Variants in LIN28B observed in about 807,000 individuals in gnomAD.
LIN28B encodes protein lin-28 homolog B.
LIN28B carries 5 observed loss-of-function variants against 21.9 expected under a neutral mutation model. The ratio of observed to expected loss-of-function variants is 0.23; its 90% CI spans 0.12 to 0.48. LIN28B has a LOEUF of 0.48. Among genes scored for constraint, LIN28B ranks in the 20% least tolerant of loss-of-function variants. The pLI is 0.98. For missense variants in LIN28B, 245 were observed against 310.5 expected, an observed-to-expected ratio of 0.79 and a Z score of 1.58; for synonymous variants, 109 against 111.3, an observed-to-expected ratio of 0.98 and a Z score of 0.13.
At chr6:104,955,936 C>A (rs953551067), upstream of LIN28B, among the ~76,000 whole-genome samples, 1 of 151,674 alleles carries the variant, frequency 6.6e-6, no homozygotes, top group Non-Finnish European at 1.5e-5. Flanking sequence ...ATCGTTTGAA[C>A]CAGTTTGAAA....
intron 2 of LIN28B, among the ~76,000 whole-genome samples, chr6:105,014,971 T>C (rs1352098545): frequency 6.6e-6 from 1 of 152,018 alleles, no homozygotes; most frequent in Non-Finnish European, 1.5e-5. Context: ...TATCTTTTTA[T>C]TTATCATTAT....
chr6:105,062,255 C>G (rs1441471650), intron 3 of LIN28B, among the ~76,000 whole-genome samples: 1 of 152,054 alleles, frequency 6.6e-6, no homozygotes, highest in East Asian at 1.9e-4. Context: ...AGGCCAACTC[C>G]TTTACAAAGT....
At chr6:104,966,188 A>G (rs1018891201) in intron 2 of LIN28B, among the ~76,000 whole-genome samples, 1 of 151,954 alleles carries the variant, frequency 6.6e-6, no homozygotes, top group Non-Finnish European at 1.5e-5. Flanking sequence ...GTATTGTGAG[A>G]AAAAAAACCA....
intron 2 of LIN28B, among the ~76,000 whole-genome samples, chr6:104,989,194 C>T (rs1770408809): frequency 6.6e-6 from 1 of 151,948 alleles, no homozygotes; most frequent in African/African-American, 2.4e-5. Flanking sequence ...TATTTCCTTC[C>T]ACCCAATTTC....
At chr6:105,003,103 A>G (rs1204480646) in intron 2 of LIN28B, among the ~76,000 whole-genome samples, 1 of 152,204 alleles carries the variant, frequency 6.6e-6, no homozygotes, top group Non-Finnish European at 1.5e-5. Flanking sequence ...GTTAATTCTA[A>G]GCATTTTCTT....
intron 2 of LIN28B, among the ~76,000 whole-genome samples, chr6:105,019,464 T>C (rs193290667): frequency 4.3e-4 from 65 of 152,334 alleles, no homozygotes; most frequent in Admixed American, 3.8e-3. Context: ...AAGGGCCTCA[T>C]ATTATTTGCC....
At chr6:105,055,059 C>A (rs1172904234) in intron 3 of LIN28B, among the ~76,000 whole-genome samples, 1 of 151,754 alleles carries the variant, frequency 6.6e-6, no homozygotes, top group Non-Finnish European at 1.5e-5. Context: ...TAAAATGTAT[C>A]TTTTTTCTTA....
In LIN28B at chr6:105,052,049, G is replaced by A. The variant is rs185009018; in HGVS notation, c.383+25567G>A. 4.6e-4 allele frequency among the ~76,000 whole-genome samples: 70 copies of A among 152,332 alleles called. 4 individuals are homozygous for A. In the East Asian group the frequency reaches 0.013, roughly 28 times the overall value. Reference sequence around the variant, plus strand: ...ACATCTGAGCAGAGACATGAATGACGTAAGGGAACAAGCCTTGTAAAGATC... The same window carrying A: ...ACATCTGAGCAGAGACATGAATGACATAAGGGAACAAGCCTTGTAAAGATC... On this transcript the variant is annotated intron_variant, in intron 3 of 3. Transcript: ENST00000345080.
At position 104,988,569 on chromosome 6, in the gene LIN28B, A is replaced by ATT. The variant is rs369912825; in HGVS notation, c.198+30301_198+30302dup. Among the ~76,000 whole-genome samples the ATT allele has an allele frequency of 1.9e-3, 239 of 127,122 alleles. 5 individuals carry two copies. Among genetic ancestry groups the ATT allele is most frequent in the East Asian group, 3.0e-3 (13 of 4,284 alleles). 83.4% of individuals were successfully genotyped at this position (127,122 alleles called of 152,430 possible). A position where few individuals can be genotyped will look rare whatever the true frequency, so the allele number is the denominator to read the frequency against. The stretch of plus-strand genomic sequence containing the variant: ...AACTACATATAGGAAGACTACCTAG[A>ATT]TTTTTTTTTTTTTTTTTTTCTGAGA... On this transcript the variant is annotated intron_variant, in intron 2 of 3. Coordinates refer to ENST00000345080, the MANE Select transcript of LIN28B (RefSeq NM_001004317.4).
chr6:105,043,877 G>C (rs1291171113), intron 3 of LIN28B, among the ~76,000 whole-genome samples: 1 of 152,092 alleles, frequency 6.6e-6, no homozygotes, highest in Non-Finnish European at 1.5e-5. Context: ...TGGGATTACA[G>C]GCGTGAGCCA....
At chr6:105,052,960 A>C (rs1398651428) in intron 3 of LIN28B, among the ~76,000 whole-genome samples, 2 of 151,904 alleles carry the variant, frequency 1.3e-5, no homozygotes, top group African/African-American at 4.8e-5. Context: ...TTAGGTAAAA[A>C]CTTAGACCAT....
At chr6:105,041,266 T>G (rs1771627010) in intron 3 of LIN28B, among the ~76,000 whole-genome samples, 1 of 152,144 alleles carries the variant, frequency 6.6e-6, no homozygotes, top group African/African-American at 2.4e-5. Flanking sequence ...TCTTTTTTTC[T>G]CATTTAGGCA....
chr6:104,970,891 C>G (rs957595891), intron 2 of LIN28B, among the ~76,000 whole-genome samples: 1 of 152,128 alleles, frequency 6.6e-6, no homozygotes, highest in Non-Finnish European at 1.5e-5. Flanking sequence ...ATCCTATCCA[C>G]CTCCTGTGAT....
intron 3 of LIN28B, among the ~76,000 whole-genome samples, chr6:105,047,944 T>C (rs1162897252): frequency 1.3e-5 from 2 of 152,354 alleles, no homozygotes; most frequent in Admixed American, 6.5e-5. Context: ...TTTCTAAATA[T>C]ACAATCATGT....
chr6:105,055,919 CTTT>C (rs71006633), intron 3 of LIN28B, among the ~76,000 whole-genome samples: 3 of 83,374 alleles, frequency 3.6e-5, no homozygotes, highest in Non-Finnish European at 6.5e-5. Context: ...CCATGCCTGG[CTTT>C]TTTTTTTTTT....
intron 2 of LIN28B, among the ~76,000 whole-genome samples, chr6:104,958,533 C>A (rs1294156016): frequency 5.9e-5 from 9 of 152,226 alleles, no homozygotes; most frequent in African/African-American, 2.2e-4. Flanking sequence ...ATTAGCATTT[C>A]CCCCTGCTTC....
At chr6:105,017,450 C>A (rs888503543) in intron 2 of LIN28B, among the ~76,000 whole-genome samples, 1 of 152,158 alleles carries the variant, frequency 6.6e-6, no homozygotes, top group Non-Finnish European at 1.5e-5. Flanking sequence ...GTTTATTGAA[C>A]TACTAGTCAA....
chr6:104,954,276 T>C (rs1236055914), upstream of LIN28B, among the ~76,000 whole-genome samples: 1 of 152,158 alleles, frequency 6.6e-6, no homozygotes, highest in African/African-American at 2.4e-5. Context: ...GAAAGCATTC[T>C]AGAAGACTCA....
At chr6:104,978,949 A>T (rs192246508) in intron 2 of LIN28B, among the ~76,000 whole-genome samples, 6 of 152,318 alleles carry the variant, frequency 3.9e-5, no homozygotes, top group Non-Finnish European at 8.8e-5. Context: ...AGAGTGAGAC[A>T]TAAGTTGTCC....
Sources: gnomAD v4.1 joint callset for allele counts (sites outside exome capture counted in the v4.1 genomes callset) on GRCh38, gnomAD v4.1.1 for gene constraint, MANE v1.5 for transcripts, NCBI Gene and HGNC (gene_info 2026-07-23, HGNC 2026-07-21) for gene names.